BCAS4: variants seen among roughly 807,000 people sequenced by gnomAD.
The protein encoded by BCAS4 is breast carcinoma amplified sequence 4.
Under a neutral mutation model 15.7 loss-of-function variants are expected in BCAS4, and 9 were observed. The ratio of observed to expected loss-of-function variants is 0.57; its 90% CI spans 0.34 to 1.00. The LOEUF (loss-of-function observed/expected upper bound fraction) is 1.00, where lower values mean the gene tolerates loss of function less well. Among genes scored for constraint, BCAS4 ranks in the 50% least tolerant of loss-of-function variants. The pLI is 0.02. For synonymous variants in BCAS4, 101 were observed against 99.5 expected, an observed-to-expected ratio of 1.02 and a Z score of -0.09; for missense variants, 225 against 239.1, an observed-to-expected ratio of 0.94 and a Z score of 0.39.
intron 1 of BCAS4, among the ~76,000 whole-genome samples, chr20:50,816,272 C>G (rs1212970706): frequency 6.6e-6 from 1 of 152,182 alleles, no homozygotes; most frequent in African/African-American, 2.4e-5. Context: ...GTGATCTGCC[C>G]ACCTTGGCCT....
rs963216249 is a variant in BCAS4 at position 50,798,872 on chromosome 20, A to G, written c.90+3699A>G. Among the ~76,000 whole-genome samples, 9 of 152,254 alleles carry G rather than the reference A, an allele frequency of 5.9e-5. No individual in the cohort carries two copies. The East Asian group carries it at 1.5e-3, about 26-fold the overall frequency. ...TCACGGCAGTGACCTGGTGACTGGG[A>G]TGGTGTTATGTTGATTTTATAGGTC... On this transcript the variant is annotated intron_variant, in intron 1 of 4. Coordinates refer to ENST00000371608, the MANE Select transcript of BCAS4 (RefSeq NM_198799.4).
intron 2 of BCAS4, among the ~76,000 whole-genome samples, chr20:50,820,791 G>A (rs147045652): frequency 6.6e-6 from 1 of 152,142 alleles, no homozygotes; most frequent in Non-Finnish European, 1.5e-5. Context: ...CATCAGGCAG[G>A]TCCTCCTAAC....
At chr20:50,821,351 C>CT (rs1600860071) in intron 2 of BCAS4, among the ~76,000 whole-genome samples, 1 of 152,324 alleles carries the variant, frequency 6.6e-6, no homozygotes. Flanking sequence ...TGTGGGACCC[C>CT]TGGGGGTGTT....
At chr20:50,882,432 G>T in the BCAS4 span, 1 of 152,180 alleles carries the variant, frequency 6.6e-6, no homozygotes, top group Non-Finnish European at 1.5e-5. Flanking sequence ...ATGAATTGGT[G>T]TGGAAACATC....
At chr20:50,873,191 T>G (rs1426350292) in intron 4 of BCAS4, among the ~76,000 whole-genome samples, 1 of 152,220 alleles carries the variant, frequency 6.6e-6, no homozygotes, top group Non-Finnish European at 1.5e-5. Flanking sequence ...CTCCTTGGCT[T>G]CTTCATAATG....
chr20:50,814,013 G>A (rs2088105758), intron 1 of BCAS4, among the ~76,000 whole-genome samples: 1 of 152,118 alleles, frequency 6.6e-6, no homozygotes, highest in Non-Finnish European at 1.5e-5. Flanking sequence ...GCTGCAGCCT[G>A]CGGGACTCTC....
chr20:50,795,408 C>CCCGGGTCCCCCAGCATCCG (rs2087842243), intron 1 of BCAS4, among the ~76,000 whole-genome samples: 1 of 152,168 alleles, frequency 6.6e-6, no homozygotes, highest in African/African-American at 2.4e-5. Context: ...TCCCTCCCCA[C>CCCGGGTCCCCCAGCATCCG]CCGGGTCCCC....
chr20:50,828,903 C>T (rs1008247886), intron 2 of BCAS4, among the ~76,000 whole-genome samples: 9 of 152,306 alleles, frequency 5.9e-5, no homozygotes, highest in Admixed American at 3.3e-4. Context: ...CCACACTCCA[C>T]GCCAGCATTG....
At chr20:50,837,805 C>A (rs956330702) in intron 3 of BCAS4, among the ~76,000 whole-genome samples, 1 of 152,240 alleles carries the variant, frequency 6.6e-6, no homozygotes, top group Non-Finnish European at 1.5e-5. Flanking sequence ...ACACTCTCCA[C>A]CAGATTGGTA....
At chr20:50,801,351 G>A (rs1269133063) in intron 1 of BCAS4, among the ~76,000 whole-genome samples, 2 of 152,062 alleles carry the variant, frequency 1.3e-5, no homozygotes, top group Non-Finnish European at 2.9e-5. Context: ...GCTTGAACCC[G>A]GGAGGTGGAA....
intron 4 of BCAS4, among the ~76,000 whole-genome samples, chr20:50,866,057 G>T (rs918073302): frequency 3.3e-5 from 5 of 152,140 alleles, no homozygotes; most frequent in Non-Finnish European, 7.4e-5. Context: ...GAAGAGCCCA[G>T]TTGAGTCTCT....
chr20:50,859,919 C>T (rs1343293390), intron 4 of BCAS4, among the ~76,000 whole-genome samples: 3 of 152,106 alleles, frequency 2.0e-5, no homozygotes, highest in South Asian at 2.1e-4. Context: ...GCGGGAGGAT[C>T]GCTTGAACCC....
chr20:50,837,167 C>T (rs1199691999), intron 3 of BCAS4, among the ~76,000 whole-genome samples: 8 of 152,188 alleles, frequency 5.3e-5, no homozygotes, highest in Non-Finnish European at 8.8e-5. Context: ...TGAGAAGTGA[C>T]GCTCCTGAGT....
At chr20:50,847,200 C>G (rs888291023) in intron 4 of BCAS4, among the ~76,000 whole-genome samples, 1 of 152,108 alleles carries the variant, frequency 6.6e-6, no homozygotes, top group African/African-American at 2.4e-5. Context: ...GATTCTCCTG[C>G]CTCAGCCTCC....
chr20:50,808,915 T>A (rs1364030344), intron 1 of BCAS4, among the ~76,000 whole-genome samples: 1 of 152,240 alleles, frequency 6.6e-6, no homozygotes, highest in African/African-American at 2.4e-5. Flanking sequence ...CCTAAGCCAA[T>A]CTCTAGAAGC....
At chr20:50,873,138 C>A (rs114138951) in intron 4 of BCAS4, among the ~76,000 whole-genome samples, 138 of 152,364 alleles carry the variant, frequency 9.1e-4, no homozygotes, top group African/African-American at 3.2e-3. Flanking sequence ...GGCCTAAAGA[C>A]GCCATCACAT....
intron 4 of BCAS4, among the ~76,000 whole-genome samples, chr20:50,850,036 T>A (rs1247261878): frequency 6.6e-6 from 1 of 152,178 alleles, no homozygotes; most frequent in Admixed American, 6.5e-5. Flanking sequence ...CTCTGGACTT[T>A]AGGCTGATGA....
chr20:50,808,053 G>A (rs993724430), intron 1 of BCAS4, among the ~76,000 whole-genome samples: 6 of 151,738 alleles, frequency 4.0e-5, no homozygotes, highest in Non-Finnish European at 5.9e-5. Flanking sequence ...GATTACAGGC[G>A]CCCGCCACCA....
At chr20:50,842,633 G>A (rs1331950524) in intron 4 of BCAS4, among the ~76,000 whole-genome samples, 2 of 152,220 alleles carry the variant, frequency 1.3e-5, no homozygotes, top group Non-Finnish European at 2.9e-5. Context: ...GGCCAGGCTG[G>A]TCTCGAAGTC....
Sources: gnomAD v4.1 joint callset for allele counts (sites outside exome capture counted in the v4.1 genomes callset) on GRCh38, gnomAD v4.1.1 for gene constraint, MANE v1.5 for transcripts, NCBI Gene and HGNC (gene_info 2026-07-23, HGNC 2026-07-21) for gene names.